PLPPR4: variants seen among roughly 807,000 people sequenced by gnomAD.
The protein encoded by PLPPR4 is phospholipid phosphatase-related protein type 4.
PLPPR4 carries 24 observed loss-of-function variants against 56.6 expected under a neutral mutation model. That is an observed-to-expected ratio of 0.42 (90% confidence interval 0.31 to 0.60). The LOEUF is 0.60. PLPPR4 is among the 20% of genes least tolerant of loss of function. The pLI is 0.13. For synonymous variants in PLPPR4, 326 were observed against 328.1 expected, an observed-to-expected ratio of 0.99 and a Z score of 0.07; for missense variants, 654 against 885.8, an observed-to-expected ratio of 0.74 and a Z score of 3.32.
At chr1:99,272,012 AT>A (rs2100784932) in intron 1 of PLPPR4, among the ~76,000 whole-genome samples, 1 of 151,438 alleles carries the variant, frequency 6.6e-6, no homozygotes, top group South Asian at 2.1e-4. Flanking sequence ...AAGCTGGCTT[AT>A]TAAATAAAGA....
rs2100816754 is a variant in PLPPR4, at chr1:99,309,317, G to A, written c.*2307G>A. ...CTATTTATCTTATTTGCTAATGGGA[G>A]CACTTCTTCCTTTGTTAGGCTGTGC... On this transcript the variant is annotated 3_prime_UTR_variant, in exon 7 of 7. Transcript: ENST00000370185. 6.6e-6 allele frequency: 1 copy of A among 152,476 alleles called. No individual in the cohort carries two copies. The highest frequency in any genetic ancestry group is 1.5e-5 in the Non-Finnish European group (1 of 67,992). 9.4% of individuals were successfully genotyped at this position (152,476 alleles called of 1,614,324 possible).
At chr1:99,276,742 T>C (rs1659194251) in intron 1 of PLPPR4, among the ~76,000 whole-genome samples, 3 of 152,200 alleles carry the variant, frequency 2.0e-5, no homozygotes, top group African/African-American at 7.2e-5. Flanking sequence ...AAAGTACTGA[T>C]GCTAATGGGA....
At position 99,275,335 on chromosome 1, in the gene PLPPR4, A is replaced by C. The variant is rs1473932569; in HGVS notation, c.78+10664A>C. Among the ~76,000 whole-genome samples, 6 of 152,298 alleles carry C rather than the reference A, an allele frequency of 3.9e-5. No homozygotes were observed. The East Asian group carries it at 1.2e-3, about 29-fold the overall frequency. Reference sequence around the variant, plus strand: ...AAGAAAAATTATTTGATGGTGTTACATCTTTCAATATTTCAGTCTCAGACT... The same window carrying C: ...AAGAAAAATTATTTGATGGTGTTACCTCTTTCAATATTTCAGTCTCAGACT... On this transcript the variant is annotated intron_variant, in intron 1 of 6. Transcript: ENST00000370185.
intron 3 of PLPPR4, chr1:99,298,803 C>A (rs1431633330): frequency 1.6e-6 from 1 of 622,102 alleles, no homozygotes; most frequent in Non-Finnish European, 2.8e-6. Flanking sequence ...CACTTTATCA[C>A]CAAATTAACA....
rs1269346875 is a variant in PLPPR4 at position 99,307,196 on chromosome 1, C to T, written c.*186C>T. On this transcript the variant is annotated 3_prime_UTR_variant, in exon 7 of 7. Coordinates refer to ENST00000370185, the MANE Select transcript of PLPPR4 (RefSeq NM_014839.5). ...CTCACATCAAGGAGAGGGAAAAGCA[C>T]AATGCAAGAACCTAACTAACGTGAT... 24 of 652,938 alleles carry T rather than the reference C, an allele frequency of 3.7e-5. No individual in the cohort carries two copies. The East Asian group carries it at 6.0e-4, about 16-fold the overall frequency. The allele number at this position is 652,938 out of a possible 1,614,324, so 40.4% of individuals were successfully genotyped here.
intron 4 of PLPPR4, among the ~76,000 whole-genome samples, chr1:99,300,444 C>A (rs1659857626): frequency 6.6e-6 from 1 of 151,952 alleles, no homozygotes; most frequent in Admixed American, 6.6e-5. Flanking sequence ...ATTAACAAAA[C>A]ACATTTAGAT....
intron 1 of PLPPR4, among the ~76,000 whole-genome samples, chr1:99,274,699 G>A (rs1193476136): frequency 6.6e-6 from 1 of 151,968 alleles, no homozygotes; most frequent in African/African-American, 2.4e-5. Flanking sequence ...GTCAGTGGAG[G>A]GGAATTCTCA....
chr1:99,296,856 T>A lies in PLPPR4; in HGVS notation c.383T>A (p.Val128Asp). The A allele has an allele frequency of 6.3e-7, 1 of 1,582,072 alleles. No individual in the cohort carries two copies. The highest frequency in any genetic ancestry group is 8.6e-7 in the Non-Finnish European group (1 of 1,159,224). ...CNFNSFLRRAVRFVGVHVFGL... is the reference protein window; with the variant it reads ...CNFNSFLRRADRFVGVHVFGL... ...TTCAATTCCTTCCTCAGACGAGCTG[T>A]CAGATTCGTTGGTGGGTGTGGGGAA... Residue 128 changes from valine to aspartate, a missense_variant, in exon 3 of 7, where the codon GTC becomes GAC. By Grantham distance (152) the Val-to-Asp change is radical. Around this residue, in one of 2 missense-constraint regions of PLPPR4, gnomAD observed 186 missense variants for 331.4 expected, o/e 0.56. Transcript: ENST00000370185.
intron 3 of PLPPR4, 170 bp from the exon 4 acceptor site, chr1:99,298,865 T>TTAAG: frequency 1.5e-6 from 1 of 679,254 alleles, no homozygotes; most frequent in East Asian, 2.7e-5. Flanking sequence ...TATTTTGGAC[T>TTAAG]TAAGTATCTG....
intron 1 of PLPPR4, among the ~76,000 whole-genome samples, chr1:99,285,662 A>AT (rs1659446220): frequency 6.6e-6 from 1 of 152,200 alleles, no homozygotes; most frequent in Non-Finnish European, 1.5e-5. Context: ...TACAAAAAAA[A>AT]AGACCTCTTG....
At chr1:99,265,984 A>G (rs1181028565) in intron 1 of PLPPR4, among the ~76,000 whole-genome samples, 1 of 152,218 alleles carries the variant, frequency 6.6e-6, no homozygotes, top group African/African-American at 2.4e-5. Flanking sequence ...AGAAAAAAAA[A>G]TCTATGTATT....
chr1:99,290,112 T>C (rs1388407605), intron 2 of PLPPR4, among the ~76,000 whole-genome samples: 2 of 151,990 alleles, frequency 1.3e-5, no homozygotes, highest in African/African-American at 2.4e-5. Context: ...TACAAAACTA[T>C]TGTGCAAAAA....
At chr1:99,277,304 A>T (rs1248028950) in intron 1 of PLPPR4, among the ~76,000 whole-genome samples, 2 of 152,006 alleles carry the variant, frequency 1.3e-5, no homozygotes, top group Non-Finnish European at 2.9e-5. Context: ...TGAAAGCTCT[A>T]CTCTTGTCTG....
chr1:99,304,228 A>G (rs1281893960), intron 6 of PLPPR4, among the ~76,000 whole-genome samples: 2 of 152,214 alleles, frequency 1.3e-5, no homozygotes, highest in African/African-American at 4.8e-5. Flanking sequence ...TTCTATATTT[A>G]GATATGCAAG....
Position 99,306,319 on chromosome 1 carries a change from T to C in PLPPR4, c.1457T>C (p.Val486Ala). ...TCCCGTCCTGGGTCCTCACAGTTGG[T>C]GCACATCCCTGAGGAGACTCAGGAA... The part of the protein sequence containing the change: ...IQSRPGSSQL[V>A]HIPEETQENI... The change falls in exon 7 of 7, where the codon GTG (valine) becomes GCG (alanine). Residue 486 changes from valine to alanine, a missense_variant. Around this residue, in one of 2 missense-constraint regions of PLPPR4, gnomAD observed 468 missense variants for 554.3 expected, o/e 0.84. Coordinates refer to ENST00000370185, the MANE Select transcript of PLPPR4 (RefSeq NM_014839.5). This position sits in a 1 kb window ranked among gnomAD's most constrained non-coding sequence, Gnocchi z 4.0. The C allele has an allele frequency of 6.2e-7, 1 of 1,614,040 alleles. No individual in the cohort carries two copies. The highest frequency in any genetic ancestry group is 8.5e-7 in the Non-Finnish European group (1 of 1,180,004).
chr1:99,294,974 T>C (rs1325015656), intron 2 of PLPPR4, among the ~76,000 whole-genome samples: 1 of 152,164 alleles, frequency 6.6e-6, no homozygotes, highest in Non-Finnish European at 1.5e-5. Flanking sequence ...AATGATGAAT[T>C]TGAGGTAGCA....
Position 99,299,078 on chromosome 1 carries a change from T to C in PLPPR4, c.438T>C (p.Asp146=), listed in dbSNP as rs899244615. The C allele has an allele frequency of 6.2e-7, 1 of 1,613,650 alleles. No individual in the cohort carries two copies. ...FGLCSTALIT[D]IIQLSTGYQA... The stretch of plus-strand genomic sequence containing the variant: ...TATGCTCTACAGCTCTCATTACAGA[T>C]ATCATACAGCTGTCCACAGGATATC... Residue 146 remains aspartate (D), a synonymous_variant, in exon 4 of 7, where the codon GAT becomes GAC. Transcript: ENST00000370185.
intron 2 of PLPPR4, among the ~76,000 whole-genome samples, chr1:99,293,395 A>T (rs539896123): frequency 6.6e-6 from 1 of 152,302 alleles, no homozygotes; most frequent in South Asian, 2.1e-4. Context: ...TGAAAAATTT[A>T]TTCCTTAATA....
Position 99,306,068 on chromosome 1 carries a change from G to C in PLPPR4, c.1206G>C (p.Gln402His). 2 of 1,614,134 alleles carry C rather than the reference G, an allele frequency of 1.2e-6. No individual in the cohort carries two copies. Among genetic ancestry groups the C allele is most frequent in the Middle Eastern group, 1.6e-4 (1 of 6,062 alleles). The change falls in exon 7 of 7, where the codon CAG becomes CAC. Residue 402 changes from glutamine to histidine, a missense_variant. This residue lies in a region of PLPPR4 where 468 missense variants were observed against 554.3 expected (regional missense o/e 0.84). Coordinates refer to ENST00000370185, the MANE Select transcript of PLPPR4 (RefSeq NM_014839.5). The surrounding 1 kb of genome is among the most constrained non-coding windows in gnomAD (Gnocchi z 4.0). ...CTCGATCAAAGCAGCTCCTCACCCA[G>C]TGGAAGAATAAGAATGAAAGTCGAA... Reference protein sequence around the residue: ...DSARSKQLLTQWKNKNESRKL... With the variant: ...DSARSKQLLTHWKNKNESRKL...
Sources: gnomAD v4.1 joint callset for allele counts (sites outside exome capture counted in the v4.1 genomes callset) on GRCh38, gnomAD v4.1.1 for gene constraint, gnomAD v4.1.1 regional missense constraint, Gnocchi (gnomAD v3.1) non-coding constraint, MANE v1.5 for transcripts, NCBI Gene and HGNC (gene_info 2026-07-23, HGNC 2026-07-21) for gene names.